The following FBXW11 variants were observed in gnomAD, a reference collection of about 807,000 sequenced individuals.
FBXW11 encodes F-box/WD repeat-containing protein 11.
FBXW11 carries 19 observed loss-of-function variants against 77.6 expected under a neutral mutation model. The observed-to-expected ratio is 0.24, with a 90% CI of 0.17 to 0.36. The LOEUF is 0.36. Ranked by LOEUF, FBXW11 falls within the 10% of genes least tolerant of loss-of-function variation. FBXW11 has a pLI of 1.00. For synonymous variants in FBXW11, 235 were observed against 249.4 expected (o/e 0.94, Z 0.54); for missense variants, 334 against 704.2 (o/e 0.47, Z 5.95).
At chr5:171,935,693 G>C (rs554927206) in intron 2 of FBXW11, among the ~76,000 whole-genome samples, 13 of 152,190 alleles carry the variant, frequency 8.5e-5, no homozygotes, top group Admixed American at 3.9e-4. Context: ...GGCATCAGTG[G>C]AGCAGCATCT....
chr5:171,914,415 G>GA lies in FBXW11; in HGVS notation c.148-11dup, dbSNP rs762254479. The GA allele has an allele frequency of 2.6e-6, 4 of 1,568,434 alleles. No individual in the cohort carries two copies. In the South Asian group the frequency reaches 3.7e-5, roughly 14 times the overall value. On this transcript the variant is annotated splice_polypyrimidine_tract_variant and intron_variant, in intron 2 of 13. Transcript: ENST00000517395. ...CCATAACTGAAGTGTTCTAGGGGGG[G>GA]AAAAACAGGTTATTTGAATTATACC...
At chr5:171,908,836 G>C (rs1366256569) in intron 4 of FBXW11, 1 of 152,180 alleles carries the variant, frequency 6.6e-6, no homozygotes, top group African/African-American at 2.4e-5. Context: ...CTTGTTTGCT[G>C]TGGAAGTACT....
chr5:171,926,302 G>A (rs1761885347), intron 2 of FBXW11, among the ~76,000 whole-genome samples: 2 of 152,182 alleles, frequency 1.3e-5, no homozygotes, highest in Non-Finnish European at 2.9e-5. Context: ...ACAAAACTGA[G>A]GTGAAAACAG....
At chr5:171,996,241 T>C (rs1561760264) in intron 1 of FBXW11, among the ~76,000 whole-genome samples, 1 of 152,246 alleles carries the variant, frequency 6.6e-6, no homozygotes, top group Non-Finnish European at 1.5e-5. Context: ...TTAACTATTA[T>C]ATAAATCATG....
At chr5:171,865,437 T>G (rs1757326448) in intron 13 of FBXW11, among the ~76,000 whole-genome samples, 1 of 151,866 alleles carries the variant, frequency 6.6e-6, no homozygotes, top group Non-Finnish European at 1.5e-5. Context: ...AAACTGGGGG[T>G]TGGGGAGGAT....
intron 2 of FBXW11, among the ~76,000 whole-genome samples, chr5:171,954,348 A>G (rs1763509551): frequency 1.3e-5 from 2 of 152,352 alleles, no homozygotes; most frequent in South Asian, 4.1e-4. Flanking sequence ...ATTCACCTCT[A>G]TAATTTCATA....
At chr5:171,880,700 G>A (rs1470928778) in intron 7 of FBXW11, among the ~76,000 whole-genome samples, 1 of 152,094 alleles carries the variant, frequency 6.6e-6, no homozygotes, top group East Asian at 1.9e-4. Flanking sequence ...TAATATAAAT[G>A]TTATTGTGTT....
chr5:171,981,473 C>A (rs1765142695), intron 1 of FBXW11, among the ~76,000 whole-genome samples: 2 of 152,158 alleles, frequency 1.3e-5, no homozygotes, highest in South Asian at 4.1e-4. Flanking sequence ...TTGTGACTGG[C>A]ACCTTAAGTG....
intron 5 of FBXW11, among the ~76,000 whole-genome samples, chr5:171,899,684 G>C (rs1485231670): frequency 1.9e-5 from 1 of 51,516 alleles, no homozygotes; most frequent in Non-Finnish European, 5.6e-5. Flanking sequence ...ACATAGCTTT[G>C]AAACGCCAAA....
At chr5:171,960,089 C>T (rs1470988602) in intron 1 of FBXW11, among the ~76,000 whole-genome samples, 2 of 152,174 alleles carry the variant, frequency 1.3e-5, no homozygotes, top group Non-Finnish European at 2.9e-5. Context: ...TTAAGGACTA[C>T]ACCTAGCCAG....
intron 2 of FBXW11, among the ~76,000 whole-genome samples, chr5:171,953,202 C>T (rs535368366): frequency 1.3e-5 from 2 of 152,196 alleles, no homozygotes; most frequent in Admixed American, 1.3e-4. Flanking sequence ...TGCTATGTTG[C>T]GAAGGCTGGT....
At chr5:171,945,534 A>G (rs969233986) in intron 2 of FBXW11, among the ~76,000 whole-genome samples, 4 of 152,216 alleles carry the variant, frequency 2.6e-5, no homozygotes, top group Non-Finnish European at 5.9e-5. Flanking sequence ...TAAAGTGAAG[A>G]AAGATAATAT....
intron 2 of FBXW11, among the ~76,000 whole-genome samples, chr5:171,940,899 T>C (rs1045561893): frequency 2.4e-4 from 25 of 106,008 alleles, no homozygotes; most frequent in Admixed American, 5.6e-4. Context: ...AAAAAAAAGA[T>C]ACAGACGCTG....
intron 1 of FBXW11, among the ~76,000 whole-genome samples, chr5:171,967,453 T>TTACA (rs1271678842): frequency 6.6e-6 from 1 of 152,080 alleles, no homozygotes; most frequent in Non-Finnish European, 1.5e-5. Flanking sequence ...AGAAAGAAAG[T>TTACA]TACAATACAC....
At position 171,868,634 on chromosome 5, in the gene FBXW11, G is replaced by C. The variant is rs1267296010; in HGVS notation, c.*1C>G. 6.2e-7 allele frequency: 1 copy of C among 1,612,134 alleles called. No homozygotes were observed. Among genetic ancestry groups the C allele is most frequent in the Non-Finnish European group, 8.5e-7 (1 of 1,179,436 alleles). On this transcript the variant is annotated 3_prime_UTR_variant, in exon 13 of 14. Coordinates refer to ENST00000517395, the MANE Select transcript of FBXW11 (RefSeq NM_001378974.1). ...CCTGAAACGGGTGAAAGTGCAGACT[G>C]TTATCTAGAGATGTAAGTGTATGTT... is the stretch of plus-strand genomic sequence containing the variant.
At chr5:171,888,281 A>G (rs2113829772) in intron 7 of FBXW11, among the ~76,000 whole-genome samples, 1 of 152,348 alleles carries the variant, frequency 6.6e-6, no homozygotes, top group East Asian at 1.9e-4. Context: ...AAAGAACTGG[A>G]AATAAAAGAA....
At chr5:171,951,919 A>G (rs1763339632) in intron 2 of FBXW11, among the ~76,000 whole-genome samples, 2 of 152,234 alleles carry the variant, frequency 1.3e-5, no homozygotes, top group Non-Finnish European at 2.9e-5. Context: ...GATTAGCATA[A>G]TTTTGAAAAC....
intron 7 of FBXW11, among the ~76,000 whole-genome samples, chr5:171,879,066 T>C (rs1008239888): frequency 4.6e-5 from 7 of 152,196 alleles, no homozygotes; most frequent in African/African-American, 1.4e-4. Context: ...CTATGTATAT[T>C]TTAGAAAAGG....
chr5:171,968,401 T>C (rs1199386112), intron 1 of FBXW11, among the ~76,000 whole-genome samples: 1 of 148,044 alleles, frequency 6.8e-6, no homozygotes, highest in Non-Finnish European at 1.5e-5. Flanking sequence ...GAGCTTGCAG[T>C]GAGCGGAGAT....
Sources: gnomAD v4.1 joint callset for allele counts (sites outside exome capture counted in the v4.1 genomes callset) on GRCh38, gnomAD v4.1.1 for gene constraint, MANE v1.5 for transcripts, NCBI Gene and HGNC (gene_info 2026-07-23, HGNC 2026-07-21) for gene names.